The following NRG1 variants were observed in gnomAD, a reference collection of about 807,000 sequenced individuals.
NRG1 encodes pro-neuregulin-1, membrane-bound isoform.
In NRG1, 18 loss-of-function variants were observed where a neutral mutation model predicts 63.8. The observed-to-expected ratio is 0.28, with a 90% CI of 0.19 to 0.42. NRG1 has a LOEUF of 0.42. NRG1 is among the 10% of genes least tolerant of loss of function. NRG1 has a pLI of 1.00. For synonymous variants in NRG1, 302 were observed against 301.3 expected (o/e 1.00, Z -0.02); for missense variants, 762 against 814.7 (o/e 0.94, Z 0.79).
At chr8:32,012,518 T>C (rs957626968) in intron 1 of NRG1, among the ~76,000 whole-genome samples, 5 of 152,102 alleles carry the variant, frequency 3.3e-5, no homozygotes, top group African/African-American at 1.2e-4. Flanking sequence ...TTAAGAATTA[T>C]AATGAGATCA....
intron 1 of NRG1, among the ~76,000 whole-genome samples, chr8:32,051,287 G>A (rs1348537308): frequency 3.3e-5 from 5 of 152,128 alleles, no homozygotes. Context: ...TAGGTCCAGT[G>A]CATGCACTTG....
chr8:32,331,243 C>T (rs1802611087), intron 1 of NRG1, among the ~76,000 whole-genome samples: 1 of 151,924 alleles, frequency 6.6e-6, no homozygotes, highest in Non-Finnish European at 1.5e-5. Context: ...CGCCTGTAAT[C>T]CCAGCACTTT....
chr8:32,730,165 C>T (rs1012135717), intron 6 of NRG1, among the ~76,000 whole-genome samples: 3 of 152,042 alleles, frequency 2.0e-5, no homozygotes, highest in Admixed American at 6.6e-5. Flanking sequence ...AGATGAAATA[C>T]GAGTATGAGG....
intron 1 of NRG1, among the ~76,000 whole-genome samples, chr8:32,234,844 C>T (rs73673812): frequency 0.027 from 4,125 of 152,138 alleles, 175 homozygotes; most frequent in African/African-American, 0.092. Flanking sequence ...TATTAATTCT[C>T]GCTCATAGAA....
At chr8:32,762,283 G>A (rs952332076) in intron 11 of NRG1, among the ~76,000 whole-genome samples, 3 of 152,082 alleles carry the variant, frequency 2.0e-5, no homozygotes, top group South Asian at 2.1e-4. Flanking sequence ...TTTGAAACAT[G>A]AAAAGGAAGT....
chr8:32,562,367 C>A (rs1322876988), intron 1 of NRG1, among the ~76,000 whole-genome samples: 4 of 152,148 alleles, frequency 2.6e-5, no homozygotes, highest in Non-Finnish European at 5.9e-5. Flanking sequence ...CCCACCTTAA[C>A]CTCCCAAGTA....
chr8:32,591,747 T>G (rs1380215023), intron 1 of NRG1, among the ~76,000 whole-genome samples: 1 of 152,112 alleles, frequency 6.6e-6, no homozygotes, highest in Non-Finnish European at 1.5e-5. Flanking sequence ...ACCAAGAGTT[T>G]AAAAATACTT....
At position 31,690,625 on chromosome 8, in the gene NRG1, G is replaced by A. The variant is rs116871546; in HGVS notation, c.37+51194G>A. On this transcript the variant is annotated intron_variant, in intron 1 of 10. Coordinates refer to the NRG1 transcript ENST00000519301. Reference sequence around the variant, plus strand: ...GGATCAGGGTGGTAGCAATGAACGCGATGTAAACTCATCAGATTGTGGATG... The same window carrying A: ...GGATCAGGGTGGTAGCAATGAACGCAATGTAAACTCATCAGATTGTGGATG... 4.2e-3 allele frequency among the ~76,000 whole-genome samples: 628 copies of A among 149,096 alleles called. 2 individuals are homozygous for A. Among genetic ancestry groups the A allele is most frequent in the South Asian group, 0.027 (127 of 4,676 alleles).
intron 1 of NRG1, among the ~76,000 whole-genome samples, chr8:32,253,769 C>G (rs921998991): frequency 6.6e-6 from 1 of 152,110 alleles, no homozygotes; most frequent in East Asian, 1.9e-4. Flanking sequence ...AGGAATGGTA[C>G]CAGCTCCTCT....
intron 1 of NRG1, among the ~76,000 whole-genome samples, chr8:32,513,593 T>G (rs1482422945): frequency 1.3e-5 from 2 of 152,170 alleles, no homozygotes; most frequent in Non-Finnish European, 2.9e-5. Context: ...GTTCCAGCTT[T>G]ACCATATTGT....
intron 1 of NRG1, among the ~76,000 whole-genome samples, chr8:32,133,172 C>G (rs1326090568): frequency 6.6e-6 from 1 of 152,072 alleles, no homozygotes. Flanking sequence ...GCTCCCAGTT[C>G]TATGCACATG....
chr8:31,698,088 C>T lies in NRG1; in HGVS notation c.37+58657C>T, dbSNP rs984111275. On this transcript the variant is annotated intron_variant, in intron 1 of 10. Transcript: ENST00000519301. Reference sequence around the variant, plus strand: ...ATGCAGCCCCAAATAATGTGTATGTCGGTACTGTCACTACAGTGCTTTGGG... The same window carrying T: ...ATGCAGCCCCAAATAATGTGTATGTTGGTACTGTCACTACAGTGCTTTGGG... 1.6e-4 allele frequency among the ~76,000 whole-genome samples: 24 copies of T among 152,080 alleles called. 1 individual carries two copies. The highest frequency in any genetic ancestry group is 9.2e-4 in the Admixed American group (14 of 15,268).
Position 31,640,333 on chromosome 8 carries a change from C to A in NRG1, c.37+902C>A. The A allele has an allele frequency of 8.5e-7, 1 of 1,181,616 alleles. No individual in the cohort carries two copies. The highest frequency in any genetic ancestry group is 1.0e-6 in the Non-Finnish European group (1 of 956,770). 73.2% of individuals were successfully genotyped at this position (1,181,616 alleles called of 1,614,324 possible). A position where few individuals can be genotyped will look rare whatever the true frequency, so the allele number is the denominator to read the frequency against. On this transcript the variant is annotated intron_variant, in intron 1 of 10. Transcript: ENST00000519301. The surrounding 1 kb of genome is among the most constrained non-coding windows in gnomAD (Gnocchi z 6.3). ...AGGGGCGTGGGGCGGCGATCGCGAG[C>A]CGCCAGCCGCGGGCCCACGGGCGCT...
intron 1 of NRG1, among the ~76,000 whole-genome samples, chr8:32,193,545 C>T (rs901019250): frequency 6.6e-6 from 1 of 152,110 alleles, no homozygotes; most frequent in African/African-American, 2.4e-5. Flanking sequence ...TTCAGAAAAG[C>T]ACGTTAAACC....
intron 1 of NRG1, among the ~76,000 whole-genome samples, chr8:32,240,861 G>C (rs1241652623): frequency 6.6e-6 from 1 of 151,868 alleles, no homozygotes; most frequent in South Asian, 2.1e-4. Context: ...AATTATATGA[G>C]AAAAATAAGC....
intron 1 of NRG1, among the ~76,000 whole-genome samples, chr8:31,719,052 G>T (rs1812643742): frequency 6.6e-6 from 1 of 152,144 alleles, no homozygotes; most frequent in African/African-American, 2.4e-5. Flanking sequence ...GTATCAGTGT[G>T]ATCTGGCTAA....
intron 1 of NRG1, among the ~76,000 whole-genome samples, chr8:32,552,554 T>A (rs1441266532): frequency 2.0e-5 from 3 of 152,134 alleles, no homozygotes; most frequent in African/African-American, 4.8e-5. Flanking sequence ...CTGAAGTGCT[T>A]GTAAACATTC....
chr8:32,266,863 G>T (rs540729348), intron 1 of NRG1, among the ~76,000 whole-genome samples: 28 of 130,178 alleles, frequency 2.2e-4, no homozygotes, highest in African/African-American at 8.3e-4. Context: ...GTAAAACCAC[G>T]TCTCTACTAA....
chr8:32,150,636 AT>A (rs1218116292), intron 1 of NRG1, among the ~76,000 whole-genome samples: 2 of 152,104 alleles, frequency 1.3e-5, no homozygotes, highest in Non-Finnish European at 2.9e-5. Flanking sequence ...AATTAAATTT[AT>A]TTTATTTCTA....
Sources: gnomAD v4.1 joint callset for allele counts (sites outside exome capture counted in the v4.1 genomes callset) on GRCh38, gnomAD v4.1.1 for gene constraint, Gnocchi (gnomAD v3.1) non-coding constraint, MANE v1.5 for transcripts, NCBI Gene and HGNC (gene_info 2026-07-23, HGNC 2026-07-21) for gene names.